PPP1CA: variants seen among roughly 807,000 people sequenced by gnomAD.
PPP1CA encodes the protein protein phosphatase 1 catalytic subunit alpha.
In PPP1CA, 14 loss-of-function variants were observed where a neutral mutation model predicts 38.5. The ratio of observed to expected loss-of-function variants is 0.36; its 90% CI spans 0.24 to 0.57. The LOEUF is 0.57. PPP1CA is among the 20% of genes least tolerant of loss of function. PPP1CA has a pLI of 0.80. For synonymous variants in PPP1CA, 200 were observed against 177.3 expected (o/e 1.13, Z -1.02); for missense variants, 277 against 435.2 (o/e 0.64, Z 3.23).
Position 67,398,422 on chromosome 11 carries a change from C to T in PPP1CA, c.*113G>A. 9.7e-7 allele frequency: 1 copy of T among 1,034,844 alleles called. No individual in the cohort carries two copies. The highest frequency in any genetic ancestry group is 1.4e-6 in the Non-Finnish European group (1 of 703,886). The allele number at this position is 1,034,844 out of a possible 1,614,324, so 64.1% of individuals were successfully genotyped here. On this transcript the variant is annotated 3_prime_UTR_variant, in exon 7 of 7. Coordinates refer to ENST00000376745, the MANE Select transcript of PPP1CA (RefSeq NM_002708.4). ...AGAAAAGAAAAATACACCAAGGCTC[C>T]ATGTTCCCCGTGACAGGTGGGCCTG... is the stretch of plus-strand genomic sequence containing the variant.
rs766923395 is a variant in PPP1CA at position 67,400,837 on chromosome 11, C to CA, written c.269dup (p.Asp92GlyfsTer20). 1 of 1,613,998 alleles carries CA rather than the reference C, an allele frequency of 6.2e-7. No individual in the cohort carries two copies. The highest frequency in any genetic ancestry group is 1.3e-5 in the African/African-American group (1 of 74,934). Reference sequence around the variant, plus strand: ...GCTTGCCCCTGTCCACATAGTCCCCCAGAAAGAGGTAGTTGCTCTCGGGAG... The same window carrying CA: ...GCTTGCCCCTGTCCACATAGTCCCCCAAGAAAGAGGTAGTTGCTCTCGGGAG... On this transcript the variant is annotated frameshift_variant, in exon 3 of 7. Transcript: ENST00000376745. LOFTEE classifies it high-confidence loss of function.
chr11:67,398,440 T>C lies in PPP1CA; in HGVS notation c.*95A>G. 1 of 1,216,304 alleles carries C rather than the reference T, an allele frequency of 8.2e-7. No homozygotes were observed. Among genetic ancestry groups the C allele is most frequent in the Non-Finnish European group, 1.2e-6 (1 of 856,976 alleles). 75.3% of individuals were successfully genotyped at this position (1,216,304 alleles called of 1,614,324 possible). The stretch of plus-strand genomic sequence containing the variant: ...AAGGCTCCATGTTCCCCGTGACAGG[T>C]GGGCCTGAGGGGTCGGGGTGACCCC... On this transcript the variant is annotated 3_prime_UTR_variant, in exon 7 of 7. Transcript: ENST00000376745.
At chr11:67,399,933 C>T (rs562730809) in intron 3 of PPP1CA, among the ~76,000 whole-genome samples, 2 of 152,240 alleles carry the variant, frequency 1.3e-5, no homozygotes, top group East Asian at 1.9e-4. Flanking sequence ...GTCAGAAGTT[C>T]GAGACCAGCC....
Position 67,398,248 on chromosome 11 carries a change from C to G in PPP1CA, c.*287G>C, listed in dbSNP as rs1290482464. The G allele has an allele frequency of 6.5e-6, 3 of 464,592 alleles. No homozygotes were observed. The highest frequency in any genetic ancestry group is 5.9e-5 in the African/African-American group (3 of 51,016). The allele number at this position is 464,592 out of a possible 1,614,324, so 28.8% of individuals were successfully genotyped here. On this transcript the variant is annotated 3_prime_UTR_variant, in exon 7 of 7. Coordinates refer to ENST00000376745, the MANE Select transcript of PPP1CA (RefSeq NM_002708.4). ...TTGCCCCAGGATCCGGCTGCCAGCC[C>G]TGAGGCCAAGCACGGCTGGAGACCC... is the stretch of plus-strand genomic sequence containing the variant.
intron 3 of PPP1CA, 64 bp from the exon 4 acceptor site, chr11:67,399,729 T>C: frequency 7.4e-7 from 1 of 1,352,166 alleles, no homozygotes; most frequent in Non-Finnish European, 1.0e-6. Flanking sequence ...GTCCCTGGGC[T>C]ATTCAGCCGT....
At position 67,400,870 on chromosome 11, in the gene PPP1CA, G is replaced by A. The variant is rs1392131630; in HGVS notation, c.237C>T (p.Gly79=). The A allele has an allele frequency of 6.2e-7, 1 of 1,614,120 alleles. No individual in the cohort carries two copies. Among genetic ancestry groups the A allele is most frequent in the Middle Eastern group, 1.6e-4 (1 of 6,062 alleles). Residue 79 remains glycine (G), a synonymous_variant, in exon 3 of 7, where the codon GGC becomes GGT. Coordinates refer to ENST00000376745, the MANE Select transcript of PPP1CA (RefSeq NM_002708.4). ...YYDLLRLFEY[G]GFPPESNYLF... is the part of the protein sequence containing the mutation. The stretch of plus-strand genomic sequence containing the variant: ...GGTAGTTGCTCTCGGGAGGGAAACC[G>A]CCATACTCAAATAGTCGCAGAAGGT...
In PPP1CA at chr11:67,399,102, C is replaced by T; in HGVS notation, c.585G>A (p.Val195=). 6.2e-7 allele frequency: 1 copy of T among 1,613,616 alleles called. No homozygotes were observed. Among genetic ancestry groups the T allele is most frequent in the African/African-American group, 1.3e-5 (1 of 75,060 alleles). ...QIRRIMRPTD[V]PDQGLLCDLL... is the part of the protein sequence containing the mutation. ...GGTCACACAGCAGGCCCTGGTCAGG[C>T]ACATCTGTGGGCCGCATGATCCGCC... Residue 195 remains valine (V), a synonymous_variant, in exon 5 of 7, where the codon GTG becomes GTA. Coordinates refer to ENST00000376745, the MANE Select transcript of PPP1CA (RefSeq NM_002708.4).
intron 1 of PPP1CA, 196 bp downstream of exon 1, chr11:67,401,532 G>A (rs867463110): frequency 2.7e-5 from 15 of 558,194 alleles, no homozygotes; most frequent in Middle Eastern, 4.9e-4. Flanking sequence ...CCGGGAGAGG[G>A]GGGGAGCTGC....
chr11:67,400,132 C>T (rs947787818), intron 3 of PPP1CA, among the ~76,000 whole-genome samples: 2 of 152,142 alleles, frequency 1.3e-5, no homozygotes, highest in African/African-American at 2.4e-5. Context: ...AGTGAAACTC[C>T]GTCTCAAAAA....
chr11:67,399,632 G>A lies in PPP1CA; in HGVS notation c.452C>T (p.Thr151Ile), dbSNP rs758799561. ...CAGGCAGTTGAAGCAGTCAGTGAAG[G>A]TTTTCCACAGTTTGATGTTGTAGCG... Reference protein sequence around the residue: ...KRRYNIKLWKTFTDCFNCLPI... With the variant: ...KRRYNIKLWKIFTDCFNCLPI... The change falls in exon 4 of 7, where the codon ACC becomes ATC. Residue 151 changes from threonine (T) to isoleucine (I), a missense_variant. Transcript: ENST00000376745. The A allele has an allele frequency of 6.2e-7, 1 of 1,614,082 alleles. No individual in the cohort carries two copies. Among genetic ancestry groups the A allele is most frequent in the Non-Finnish European group, 8.5e-7 (1 of 1,179,956 alleles).
At position 67,398,480 on chromosome 11, in the gene PPP1CA, G is replaced by C; in HGVS notation, c.*55C>G. The C allele has an allele frequency of 1.3e-6, 2 of 1,553,540 alleles. No individual in the cohort carries two copies. The highest frequency in any genetic ancestry group is 4.5e-5 in the East Asian group (2 of 44,256). ...GGGGTGACCCCCCCCCAGCATGGCA[G>C]CATGATTTCTGTACAATCAATCCAT... On this transcript the variant is annotated 3_prime_UTR_variant, in exon 7 of 7. Transcript: ENST00000376745.
At chr11:67,400,069 G>A (rs1222962015) in intron 3 of PPP1CA, among the ~76,000 whole-genome samples, 2 of 151,178 alleles carry the variant, frequency 1.3e-5, no homozygotes, top group African/African-American at 4.9e-5. Context: ...CCCAGGAGAC[G>A]GAGGTTGTGG....
chr11:67,398,612 A>ACTT lies in PPP1CA; in HGVS notation c.913_915dup (p.Lys305dup). ...GGGTTCAGGCCACTGAACTGCCCGTACTTCCCCTTGTTCTTGTCGGCGGGC... is the reference window on the plus strand; with the variant it reads ...GGGTTCAGGCCACTGAACTGCCCGTACTTCTTCCCCTTGTTCTTGTCGGCGGGC... On this transcript the variant is annotated inframe_insertion, in exon 7 of 7. Coordinates refer to ENST00000376745, the MANE Select transcript of PPP1CA (RefSeq NM_002708.4). 1 of 1,614,086 alleles carries ACTT rather than the reference A, an allele frequency of 6.2e-7. No homozygotes were observed. Among genetic ancestry groups the ACTT allele is most frequent in the Non-Finnish European group, 8.5e-7 (1 of 1,179,990 alleles).
At position 67,401,760 on chromosome 11, in the gene PPP1CA, T is replaced by C; in HGVS notation, c.23A>G (p.Asn8Ser). Reference protein sequence around the residue: MSDSEKLNLDSIIGRLLE... With the variant: MSDSEKLSLDSIIGRLLE... ...CAGGCGCCCGATGATCGAGTCCAGGTTGAGCTTCTCGCTGTCGGACATGGC... is the reference window on the plus strand; with the variant it reads ...CAGGCGCCCGATGATCGAGTCCAGGCTGAGCTTCTCGCTGTCGGACATGGC... The change falls in exon 1 of 7, where the codon AAC becomes AGC. Residue 8 changes from asparagine to serine, a missense_variant. Asn to Ser is a conservative substitution (Grantham distance 46, BLOSUM62 1). Transcript: ENST00000376745. 3 of 1,476,052 alleles carry C rather than the reference T, an allele frequency of 2.0e-6. No individual in the cohort carries two copies. The highest frequency in any genetic ancestry group is 2.1e-5 in the Admixed American group (1 of 48,114). The allele number at this position is 1,476,052 out of a possible 1,614,324, so 91.4% of individuals were successfully genotyped here. A position where few individuals can be genotyped will look rare whatever the true frequency, so the allele number is the denominator to read the frequency against.
At chr11:67,400,171 C>A (rs1021928462) in intron 3 of PPP1CA, among the ~76,000 whole-genome samples, 18 of 152,194 alleles carry the variant, frequency 1.2e-4, no homozygotes, top group African/African-American at 4.3e-4. Context: ...TGCTCTGTCA[C>A]CCAGGCTGGA....
chr11:67,400,656 A>C (rs1399562348), intron 3 of PPP1CA, 33 bp downstream of exon 3: 6 of 1,598,436 alleles, frequency 3.8e-6, no homozygotes, highest in Non-Finnish European at 5.1e-6. Context: ...GCGGTTCAGG[A>C]CCCGGGCAGC....
chr11:67,399,442 A>G, intron 4 of PPP1CA, 119 bp downstream of exon 4: 4 of 886,794 alleles, frequency 4.5e-6, no homozygotes, highest in Non-Finnish European at 7.2e-6. Flanking sequence ...AGCCCAGCAC[A>G]GTGGGGTATG....
chr11:67,399,407 G>C (rs763282715), intron 4 of PPP1CA, among the ~76,000 whole-genome samples, 154 bp downstream of exon 4: 2 of 152,220 alleles, frequency 1.3e-5, no homozygotes. Context: ...ACTCCATGTA[G>C]GACACACATC....
Position 67,399,142 on chromosome 11 carries a change from G to C in PPP1CA, c.545C>G (p.Ser182Cys). Residue 182 changes from serine (S) to cysteine (C), a missense_variant, in exon 5 of 7, where the codon TCT becomes TGT. Ser to Cys is a moderately radical substitution (Grantham distance 112, BLOSUM62 -1). This residue lies in a region of PPP1CA where 180 missense variants were observed against 356.7 expected (regional missense o/e 0.50). Coordinates refer to ENST00000376745, the MANE Select transcript of PPP1CA (RefSeq NM_002708.4). ...CHGGLSPDLQ[S>C]MEQIRRIMRP... ...CATGATCCGCCGAATCTGCTCCATAGACTGCAGGTCCGGGGACAGGCCTGG... is the reference window on the plus strand; with the variant it reads ...CATGATCCGCCGAATCTGCTCCATACACTGCAGGTCCGGGGACAGGCCTGG... The C allele has an allele frequency of 6.2e-7, 1 of 1,613,406 alleles. No individual in the cohort carries two copies. The highest frequency in any genetic ancestry group is 2.2e-5 in the East Asian group (1 of 44,882).
Sources: allele counts gnomAD v4.1 joint callset (sites outside exome capture counted in the v4.1 genomes callset), GRCh38; gene constraint gnomAD v4.1.1; regional missense constraint gnomAD v4.1.1; transcripts MANE v1.5; gene names NCBI Gene and HGNC (gene_info 2026-07-23, HGNC 2026-07-21).